Variants in TNKS observed in about 807,000 individuals in gnomAD.
TNKS encodes poly [ADP-ribose] polymerase tankyrase-1.
TNKS carries 72 observed loss-of-function variants against 135.8 expected under a neutral mutation model. The observed-to-expected ratio is 0.53, with a 90% CI of 0.44 to 0.64. The LOEUF (loss-of-function observed/expected upper bound fraction) is 0.64, where lower values mean the gene tolerates loss of function less well. Among genes scored for constraint, TNKS ranks in the 30% least tolerant of loss-of-function variants. The pLI is 0.00. For synonymous variants in TNKS, 849 were observed against 649.3 expected, an observed-to-expected ratio of 1.31 and a Z score of -4.68; for missense variants, 1,769 against 1,674.0, an observed-to-expected ratio of 1.06 and a Z score of -0.99.
intron 20 of TNKS, among the ~76,000 whole-genome samples, chr8:9,758,546 C>G (rs971123111): frequency 6.6e-6 from 1 of 152,176 alleles, no homozygotes; most frequent in African/African-American, 2.4e-5. Context: ...AAATAACAAA[C>G]ATGTATTATT....
intron 5 of TNKS, among the ~76,000 whole-genome samples, chr8:9,686,321 T>C (rs1802995202): frequency 6.6e-6 from 1 of 152,120 alleles, no homozygotes; most frequent in Admixed American, 6.5e-5. Context: ...TCTTAATGAT[T>C]CTAACTATTC....
At chr8:9,730,012 T>G (rs1387716230) in intron 13 of TNKS, among the ~76,000 whole-genome samples, 2 of 152,126 alleles carry the variant, frequency 1.3e-5, no homozygotes, top group Non-Finnish European at 2.9e-5. Flanking sequence ...CTTGACCTCG[T>G]GATCTGCCTG....
chr8:9,691,787 A>G (rs1022463510), intron 5 of TNKS, among the ~76,000 whole-genome samples: 29 of 152,292 alleles, frequency 1.9e-4, no homozygotes, highest in African/African-American at 6.5e-4. Context: ...AATTTTTTGT[A>G]TATGCTATGT....
chr8:9,627,876 T>C (rs1019929907), intron 3 of TNKS, among the ~76,000 whole-genome samples: 1 of 152,226 alleles, frequency 6.6e-6, no homozygotes, highest in Admixed American at 6.5e-5. Context: ...CTTATTACTT[T>C]TTTCATATTT....
At chr8:9,661,084 G>A (rs1044881206) in intron 3 of TNKS, among the ~76,000 whole-genome samples, 1 of 151,834 alleles carries the variant, frequency 6.6e-6, no homozygotes, top group Non-Finnish European at 1.5e-5. Context: ...AAATAAAAGA[G>A]GATACAAACA....
At chr8:9,644,720 A>C (rs555237353) in intron 3 of TNKS, among the ~76,000 whole-genome samples, 21 of 152,174 alleles carry the variant, frequency 1.4e-4, no homozygotes, top group Non-Finnish European at 2.4e-4. Flanking sequence ...TTAGCAATTA[A>C]ATATGAAATT....
At chr8:9,560,553 C>T (rs1797286028) in intron 1 of TNKS, among the ~76,000 whole-genome samples, 1 of 109,162 alleles carries the variant, frequency 9.2e-6, no homozygotes. Context: ...AATGTCGTTC[C>T]TGTTAATAAT....
chr8:9,581,974 A>G (rs1278146159), intron 2 of TNKS, among the ~76,000 whole-genome samples: 2 of 152,210 alleles, frequency 1.3e-5, no homozygotes, highest in Non-Finnish European at 2.9e-5. Context: ...AGGCTTTGGC[A>G]CATATTGTCT....
intron 26 of TNKS, among the ~76,000 whole-genome samples, chr8:9,771,319 A>AG: frequency 2.6e-5 from 3 of 114,466 alleles, no homozygotes; most frequent in African/African-American, 1.1e-4. Context: ...AGGAAGAGAG[A>AG]AGAAAGGAGG....
chr8:9,726,523 A>G, intron 12 of TNKS, 118 bp from the exon 13 acceptor site: 1 of 665,596 alleles, frequency 1.5e-6, no homozygotes, highest in South Asian at 3.0e-5. Context: ...AAACTAAATA[A>G]TTTTTCCTCC....
intron 23 of TNKS, 54 bp downstream of exon 23, chr8:9,764,844 C>G (rs758497967): frequency 2.1e-6 from 3 of 1,431,576 alleles, no homozygotes; most frequent in East Asian, 2.4e-5. Flanking sequence ...TGCCTAAAAA[C>G]CAAATCTAGA....
intron 17 of TNKS, among the ~76,000 whole-genome samples, chr8:9,739,996 G>T (rs1211296111): frequency 1.0e-5 from 1 of 100,168 alleles, no homozygotes; most frequent in Non-Finnish European, 1.9e-5. Flanking sequence ...CATGGCACAT[G>T]TATACATATG....
chr8:9,664,647 A>C (rs928014622), intron 3 of TNKS, among the ~76,000 whole-genome samples: 1 of 152,248 alleles, frequency 6.6e-6, no homozygotes, highest in Non-Finnish European at 1.5e-5. Context: ...CTCACAGTAC[A>C]TATACAGGTA....
intron 11 of TNKS, among the ~76,000 whole-genome samples, chr8:9,717,269 T>G (rs571447761): frequency 1.7e-4 from 26 of 151,398 alleles, no homozygotes; most frequent in African/African-American, 6.1e-4. Flanking sequence ...ACTATGTCAG[T>G]ATTGTATTGA....
At chr8:9,558,948 C>G (rs1048312187) in intron 1 of TNKS, 11 of 152,092 alleles carry the variant, frequency 7.2e-5, no homozygotes, top group African/African-American at 2.7e-4. Flanking sequence ...TATCAGTTGA[C>G]TGGTTATTAT....
At chr8:9,660,793 G>A (rs1366439538) in intron 3 of TNKS, among the ~76,000 whole-genome samples, 10 of 152,114 alleles carry the variant, frequency 6.6e-5, no homozygotes, top group Admixed American at 4.6e-4. Context: ...GAGGAAGTCA[G>A]ATTGTCCCTG....
chr8:9,749,295 C>A (rs917938804), intron 18 of TNKS, among the ~76,000 whole-genome samples: 7 of 152,158 alleles, frequency 4.6e-5, no homozygotes, highest in African/African-American at 9.7e-5. Flanking sequence ...GTGCTCCCCC[C>A]ACCAACAGGG....
At chr8:9,747,616 A>C (rs989569871) in intron 17 of TNKS, among the ~76,000 whole-genome samples, 2 of 152,264 alleles carry the variant, frequency 1.3e-5, no homozygotes, top group African/African-American at 4.8e-5. Context: ...TAAGAGAATC[A>C]ATGTGAATAG....
Position 9,751,849 on chromosome 8 carries a change from G to C in TNKS, c.3070+3G>C. 1 of 1,613,354 alleles carries C rather than the reference G, an allele frequency of 6.2e-7. No individual in the cohort carries two copies. Among genetic ancestry groups the C allele is most frequent in the Non-Finnish European group, 8.5e-7 (1 of 1,179,336 alleles). On this transcript the variant is annotated splice_donor_region_variant and intron_variant, in intron 19 of 26. Coordinates refer to ENST00000310430, the MANE Select transcript of TNKS (RefSeq NM_003747.3). ...AACAGAAAGGAAGGAAGGAGAAGGTGAGTAGACCCCATGAATGCTTATTTA... is the reference window on the plus strand; with the variant it reads ...AACAGAAAGGAAGGAAGGAGAAGGTCAGTAGACCCCATGAATGCTTATTTA...
Sources: allele counts gnomAD v4.1 joint callset (sites outside exome capture counted in the v4.1 genomes callset), GRCh38; gene constraint gnomAD v4.1.1; transcripts MANE v1.5; gene names NCBI Gene and HGNC (gene_info 2026-07-23, HGNC 2026-07-21).